The following NEGR1 variants were observed in gnomAD, a reference collection of about 807,000 sequenced individuals.
The protein encoded by NEGR1 is IgLON family member 4.
Under a neutral mutation model 40.9 loss-of-function variants are expected in NEGR1, and 10 were observed. That is an observed-to-expected ratio of 0.24 (90% confidence interval 0.15 to 0.42). NEGR1 has a LOEUF of 0.42. Among genes scored for constraint, NEGR1 ranks in the 10% least tolerant of loss-of-function variants. The pLI, the probability that NEGR1 is intolerant of heterozygous loss-of-function variation, is 1.00. For synonymous variants in NEGR1, 185 were observed against 166.8 expected (o/e 1.11, Z -0.84); for missense variants, 352 against 438.9 (o/e 0.80, Z 1.77).
chr1:71,803,775 AT>A (rs1479835344), intron 2 of NEGR1, among the ~76,000 whole-genome samples: 1 of 152,174 alleles, frequency 6.6e-6, no homozygotes, highest in African/African-American at 2.4e-5. Flanking sequence ...TATTACATAA[AT>A]TACTTATATG....
chr1:71,886,434 C>A (rs775981915), intron 2 of NEGR1, among the ~76,000 whole-genome samples: 6 of 149,416 alleles, frequency 4.0e-5, no homozygotes, highest in Admixed American at 1.3e-4. Context: ...ATTAAATGAC[C>A]AGTGTGTTCT....
intron 6 of NEGR1, among the ~76,000 whole-genome samples, chr1:71,567,374 T>C (rs1019338551): frequency 4.6e-5 from 7 of 152,178 alleles, no homozygotes; most frequent in Admixed American, 1.3e-4. Context: ...AAAACTCTTC[T>C]AAAAATAATA....
chr1:72,027,968 T>G (rs1646826460), intron 1 of NEGR1, among the ~76,000 whole-genome samples: 1 of 152,214 alleles, frequency 6.6e-6, no homozygotes, highest in Non-Finnish European at 1.5e-5. Flanking sequence ...CCACCTGGAT[T>G]TTCCATCAAC....
intron 4 of NEGR1, among the ~76,000 whole-genome samples, chr1:71,676,939 T>C (rs1652661414): frequency 6.6e-6 from 1 of 151,882 alleles, no homozygotes; most frequent in Non-Finnish European, 1.5e-5. Context: ...CTGGAAGGAG[T>C]GTAAGTTGCA....
intron 2 of NEGR1, among the ~76,000 whole-genome samples, chr1:71,861,800 T>C (rs1239813532): frequency 6.6e-6 from 1 of 152,124 alleles, no homozygotes; most frequent in African/African-American, 2.4e-5. Flanking sequence ...GTTTCCATTT[T>C]TCTTTTTAAC....
intron 3 of NEGR1, among the ~76,000 whole-genome samples, chr1:71,722,895 T>C (rs1167724042): frequency 6.6e-6 from 1 of 152,140 alleles, no homozygotes; most frequent in Non-Finnish European, 1.5e-5. Context: ...CTTTGCAATA[T>C]TTCCCTTTTG....
intron 2 of NEGR1, among the ~76,000 whole-genome samples, chr1:71,853,405 C>T (rs976158961): frequency 6.6e-6 from 1 of 151,844 alleles, no homozygotes; most frequent in Non-Finnish European, 1.5e-5. Flanking sequence ...AATAATTATG[C>T]GATTTATAAG....
intron 1 of NEGR1, among the ~76,000 whole-genome samples, chr1:72,204,790 CA>C (rs1434600658): frequency 3.7e-4 from 56 of 151,932 alleles, no homozygotes; most frequent in Admixed American, 3.3e-3. Context: ...GTTTAATTTC[CA>C]AATGAGAATA....
chr1:72,170,895 C>T (rs1035449258), intron 1 of NEGR1, among the ~76,000 whole-genome samples: 3 of 152,116 alleles, frequency 2.0e-5, no homozygotes, highest in African/African-American at 7.2e-5. Context: ...TAGCCTTATG[C>T]TTTGTTCTCA....
intron 6 of NEGR1, chr1:71,463,630 G>A (rs1331601683): frequency 6.6e-6 from 1 of 152,150 alleles, no homozygotes; most frequent in African/African-American, 2.4e-5. Flanking sequence ...ATCCTGATAA[G>A]TATAGAAGGT....
At chr1:71,591,450 A>C (rs1649497244) in intron 6 of NEGR1, among the ~76,000 whole-genome samples, 2 of 152,196 alleles carry the variant, frequency 1.3e-5, no homozygotes, top group African/African-American at 4.8e-5. Context: ...ATTAAGCCTT[A>C]AATTTTTCTT....
chr1:72,274,450 T>C, intron 1 of NEGR1: 1 of 557,004 alleles, frequency 1.8e-6, no homozygotes, highest in Non-Finnish European at 3.3e-6. Context: ...ACTGTATGGA[T>C]CCAGCTCTTG....
At position 71,719,167 on chromosome 1, in the gene NEGR1, T is replaced by C. The variant is rs567150108; in HGVS notation, c.536-21028A>G. The stretch of plus-strand genomic sequence containing the variant: ...GGTTTCTGTGAAAGGATCATTTGGG[T>C]TGGCCCTTCTCGAATTTGAAACAAC... On this transcript the variant is annotated intron_variant, in intron 3 of 6. Transcript: ENST00000357731. Among the ~76,000 whole-genome samples, 4 of 152,284 alleles carry C rather than the reference T, an allele frequency of 2.6e-5. No homozygotes were observed. The East Asian group carries it at 7.7e-4, about 29-fold the overall frequency.
chr1:71,739,230 A>C (rs1429861442), intron 3 of NEGR1, among the ~76,000 whole-genome samples: 4 of 150,860 alleles, frequency 2.7e-5, no homozygotes, highest in Admixed American at 6.6e-5. Flanking sequence ...AAAAAAAAAA[A>C]CGTGAAAAGA....
intron 6 of NEGR1, among the ~76,000 whole-genome samples, chr1:71,580,638 A>T (rs1649105626): frequency 6.6e-6 from 1 of 151,868 alleles, no homozygotes; most frequent in African/African-American, 2.4e-5. Flanking sequence ...TATAGAAATA[A>T]TGGGGGGAGG....
intron 1 of NEGR1, among the ~76,000 whole-genome samples, chr1:72,087,370 G>T (rs960275292): frequency 1.3e-5 from 2 of 151,964 alleles, no homozygotes; most frequent in Non-Finnish European, 2.9e-5. Context: ...GGCGGAGGTT[G>T]CAGTGAGCCA....
chr1:71,844,600 T>C lies in NEGR1; in HGVS notation c.410-68303A>G, dbSNP rs17091824. ...CACATGGAAGCTGTCCTTGACCCGT[T>C]TGCACGTATTGAAACCACTCTGAGT... On this transcript the variant is annotated intron_variant, in intron 2 of 6. Coordinates refer to ENST00000357731, the MANE Select transcript of NEGR1 (RefSeq NM_173808.3). Among the ~76,000 whole-genome samples the C allele has an allele frequency of 3.9e-3, 601 of 152,252 alleles. 3 individuals carry two copies. Among genetic ancestry groups the C allele is most frequent in the African/African-American group, 0.014 (570 of 41,550 alleles).
chr1:71,601,716 C>T (rs1337432708), intron 5 of NEGR1, among the ~76,000 whole-genome samples: 1 of 152,006 alleles, frequency 6.6e-6, no homozygotes, highest in African/African-American at 2.4e-5. Context: ...AACAGAAAAT[C>T]GAATACTGCA....
chr1:71,783,463 T>C (rs1027015773), intron 2 of NEGR1, among the ~76,000 whole-genome samples: 1 of 152,170 alleles, frequency 6.6e-6, no homozygotes, highest in Non-Finnish European at 1.5e-5. Flanking sequence ...TTTCTCCAGC[T>C]GATAGACTAT....
Sources: gnomAD v4.1 joint callset for allele counts (sites outside exome capture counted in the v4.1 genomes callset) on GRCh38, gnomAD v4.1.1 for gene constraint, MANE v1.5 for transcripts, NCBI Gene and HGNC (gene_info 2026-07-23, HGNC 2026-07-21) for gene names.